Variants in TLN2 observed in about 807,000 individuals in gnomAD.
The protein encoded by TLN2 is talin 2.
Under a neutral mutation model 294.7 loss-of-function variants are expected in TLN2, and 118 were observed. The observed-to-expected ratio is 0.40, with a 90% CI of 0.34 to 0.47. TLN2 has a LOEUF of 0.47. Among genes scored for constraint, TLN2 ranks in the 20% least tolerant of loss-of-function variants. The pLI, the probability that TLN2 is intolerant of heterozygous loss-of-function variation, is 0.84. For missense variants in TLN2, 3,083 were observed against 3,282.2 expected, an observed-to-expected ratio of 0.94 and a Z score of 1.48; for synonymous variants, 1,431 against 1,304.5, an observed-to-expected ratio of 1.10 and a Z score of -2.09.
At chr15:62,530,020 T>G (rs946620690) in intron 1 of TLN2, among the ~76,000 whole-genome samples, 1 of 152,088 alleles carries the variant, frequency 6.6e-6, no homozygotes, top group East Asian at 1.9e-4. Flanking sequence ...GTGAAACCCC[T>G]TCTCTACTAA....
At chr15:62,709,720 T>TTTTTTC (rs1555483298) in intron 21 of TLN2, among the ~76,000 whole-genome samples, 1 of 148,548 alleles carries the variant, frequency 6.7e-6, no homozygotes, top group East Asian at 2.0e-4. Context: ...TTAAAGACTT[T>TTTTTTC]TTTTTTCTTT....
At chr15:62,461,596 C>A (rs1347346515) in intron 1 of TLN2, among the ~76,000 whole-genome samples, 1 of 152,208 alleles carries the variant, frequency 6.6e-6, no homozygotes, top group African/African-American at 2.4e-5. Context: ...TACTGAGCAT[C>A]ACTGCGGGCC....
At position 62,668,579 on chromosome 15, in the gene TLN2, T is replaced by C. The variant is rs117645737; in HGVS notation, c.789-5248T>C. Among the ~76,000 whole-genome samples, 181 of 152,284 alleles carry C rather than the reference T, an allele frequency of 1.2e-3. 4 individuals carry two copies. In the East Asian group the frequency reaches 0.032, roughly 27 times the overall value. On this transcript the variant is annotated intron_variant, in intron 9 of 58. Coordinates refer to ENST00000636159, the MANE Select transcript of TLN2 (RefSeq NM_015059.3). ...GAAATACTGATCACGTGGGATGTTG[T>C]TTGCCTACAGGGTAACTTGGAGGGG...
rs146944903 is a variant in TLN2, at chr15:62,517,721, C to G, written c.-237-71966C>G. ...GCTTTGTGGCTTACCACATTACCCACTTGGAAAAACAAACATGTTAATTCT... is the reference window on the plus strand; with the variant it reads ...GCTTTGTGGCTTACCACATTACCCAGTTGGAAAAACAAACATGTTAATTCT... On this transcript the variant is annotated intron_variant, in intron 1 of 58. Coordinates refer to ENST00000636159, the MANE Select transcript of TLN2 (RefSeq NM_015059.3). Among the ~76,000 whole-genome samples, 43 of 152,306 alleles carry G rather than the reference C, an allele frequency of 2.8e-4. 1 individual carries two copies. In the East Asian group the frequency reaches 6.2e-3, roughly 22 times the overall value.
At chr15:62,544,966 G>C (rs1250530588) in intron 1 of TLN2, among the ~76,000 whole-genome samples, 1 of 151,730 alleles carries the variant, frequency 6.6e-6, no homozygotes, top group Admixed American at 6.6e-5. Context: ...GTCTCGCTCT[G>C]TCGCCCAAGC....
intron 41 of TLN2, among the ~76,000 whole-genome samples, chr15:62,769,329 G>A (rs2063208320): frequency 6.6e-6 from 1 of 152,198 alleles, no homozygotes; most frequent in Admixed American, 6.5e-5. Context: ...ATGCAAGTGT[G>A]TGGAGCTGCT....
intron 37 of TLN2, 55 bp downstream of exon 37, chr15:62,755,748 G>A: frequency 1.3e-6 from 2 of 1,596,306 alleles, no homozygotes; most frequent in Non-Finnish European, 1.7e-6. Flanking sequence ...TTCTGGCGGG[G>A]GAAGGGGAAC....
In TLN2 at chr15:62,702,044, T is replaced by C. The variant is rs1231798108; in HGVS notation, c.1749T>C (p.Ile583=). 1 of 1,614,132 alleles carries C rather than the reference T, an allele frequency of 6.2e-7. No individual in the cohort carries two copies. Among genetic ancestry groups the C allele is most frequent in the African/African-American group, 1.3e-5 (1 of 74,952 alleles). ...YTAVGCAITT[I]SSNLTEMSKG... is the part of the protein sequence containing the mutation. ...CTGTGGGATGTGCGATCACCACTAT[T>C]TCTTCCAACCTGACGGAGATGTCCA... The change falls in exon 18 of 59, where the codon ATT becomes ATC. Residue 583 remains isoleucine, a synonymous_variant. Transcript: ENST00000636159.
In TLN2 at chr15:62,819,635, T is replaced by G. The variant is rs1232741775; in HGVS notation, c.6877+14T>G. ...AAGCCATGAAAGGTAGGCTGGATTC[T>G]CACGTCTTGGTGGAGGGCAACCCTC... On this transcript the variant is annotated intron_variant, in intron 53 of 58. Transcript: ENST00000636159. 3 of 1,605,454 alleles carry G rather than the reference T, an allele frequency of 1.9e-6. No homozygotes were observed. The highest frequency in any genetic ancestry group is 2.5e-6 in the Non-Finnish European group (3 of 1,178,956).
chr15:62,676,858 G>A (rs942993973), intron 11 of TLN2, among the ~76,000 whole-genome samples: 1 of 152,108 alleles, frequency 6.6e-6, no homozygotes, highest in Non-Finnish European at 1.5e-5. Flanking sequence ...CAGGCAGTCC[G>A]CCCACCTTGG....
rs78920168 is a variant in TLN2 at position 62,445,749 on chromosome 15, G to A, written c.-238+55064G>A. 2.8e-3 allele frequency among the ~76,000 whole-genome samples: 428 copies of A among 151,792 alleles called. 1 individual carries two copies. The highest frequency in any genetic ancestry group is 0.016 in the East Asian group (81 of 5,138). ...CCTGATCACAGTTCACTGCACCCTC[G>A]ACTTCCTGGGCTCAAAGAATCCTTT... On this transcript the variant is annotated intron_variant, in intron 1 of 58. Coordinates refer to ENST00000636159, the MANE Select transcript of TLN2 (RefSeq NM_015059.3).
rs890431344 is a variant in TLN2 at position 62,529,406 on chromosome 15, G to C, written c.-237-60281G>C. Among the ~76,000 whole-genome samples, 6 of 152,104 alleles carry C rather than the reference G, an allele frequency of 3.9e-5. No individual in the cohort carries two copies. The East Asian group carries it at 1.2e-3, about 29-fold the overall frequency. Reference sequence around the variant, plus strand: ...GCCCAGCCTTTTTAGGGCTTTTATCGTCTACTGTAAAGTAACTATTGAAGA... The same window carrying C: ...GCCCAGCCTTTTTAGGGCTTTTATCCTCTACTGTAAAGTAACTATTGAAGA... On this transcript the variant is annotated intron_variant, in intron 1 of 58. Transcript: ENST00000636159.
rs577905451 is a variant in TLN2, at chr15:62,530,999, T to A, written c.-237-58688T>A. On this transcript the variant is annotated intron_variant, in intron 1 of 58. Coordinates refer to ENST00000636159, the MANE Select transcript of TLN2 (RefSeq NM_015059.3). ...CTATTGTTTTAGTCGTGAATAATTT[T>A]TCCTATATCATTTGTCTTTATAGTA... Among the ~76,000 whole-genome samples the A allele has an allele frequency of 1.2e-4, 18 of 152,334 alleles. 1 individual carries two copies. Among genetic ancestry groups the A allele is most frequent in the Admixed American group, 5.2e-4 (8 of 15,308 alleles).
intron 2 of TLN2, among the ~76,000 whole-genome samples, chr15:62,594,817 T>C (rs1311701717): frequency 6.6e-6 from 1 of 152,140 alleles, no homozygotes; most frequent in Non-Finnish European, 1.5e-5. Flanking sequence ...TGGGATTACA[T>C]TAAACTAAAG....
At chr15:62,461,145 T>G (rs1415320544) in intron 1 of TLN2, among the ~76,000 whole-genome samples, 1 of 152,158 alleles carries the variant, frequency 6.6e-6, no homozygotes, top group East Asian at 1.9e-4. Flanking sequence ...AGACGGGGTT[T>G]CACCATATTG....
chr15:62,792,204 C>G (rs1478326798), intron 45 of TLN2, among the ~76,000 whole-genome samples: 1 of 152,118 alleles, frequency 6.6e-6, no homozygotes, highest in East Asian at 1.9e-4. Flanking sequence ...TAATTACCCT[C>G]TAGAGCTATT....
At position 62,432,174 on chromosome 15, in the gene TLN2, G is replaced by A. The variant is rs991368676; in HGVS notation, c.-238+41489G>A. 4.6e-5 allele frequency among the ~76,000 whole-genome samples: 7 copies of A among 151,644 alleles called. No individual in the cohort carries two copies. The East Asian group carries it at 5.8e-4, about 13-fold the overall frequency. Reference sequence around the variant, plus strand: ...GTGTATCTTTATTAGATTTTTTATCGAATTTTTTATTAGGTCCTCTGGAAA... The same window carrying A: ...GTGTATCTTTATTAGATTTTTTATCAAATTTTTTATTAGGTCCTCTGGAAA... On this transcript the variant is annotated intron_variant, in intron 1 of 58. Coordinates refer to ENST00000636159, the MANE Select transcript of TLN2 (RefSeq NM_015059.3).
chr15:62,648,820 A>G (rs975472024), intron 4 of TLN2, among the ~76,000 whole-genome samples: 3 of 152,038 alleles, frequency 2.0e-5, no homozygotes, highest in Admixed American at 1.3e-4. Context: ...AAGTGCTGGG[A>G]TTACAGACGT....
At chr15:62,553,383 G>A (rs567793003) in intron 1 of TLN2, among the ~76,000 whole-genome samples, 23 of 152,272 alleles carry the variant, frequency 1.5e-4, no homozygotes, top group Admixed American at 4.6e-4. Context: ...TACTCAGGAG[G>A]CTGAGGCAGG....
Sources: gnomAD v4.1 joint callset for allele counts (sites outside exome capture counted in the v4.1 genomes callset) on GRCh38, gnomAD v4.1.1 for gene constraint, MANE v1.5 for transcripts, NCBI Gene and HGNC (gene_info 2026-07-23, HGNC 2026-07-21) for gene names.